Variants in TRPM2 observed in about 807,000 individuals in gnomAD.
TRPM2 encodes the protein estrogen-responsive element-associated gene 1 protein.
In TRPM2, 161 loss-of-function variants were observed where a neutral mutation model predicts 174.0. The ratio of observed to expected loss-of-function variants is 0.93; its 90% CI spans 0.81 to 1.05. TRPM2 has a LOEUF of 1.05. Among genes scored for constraint, TRPM2 ranks in the 50% least tolerant of loss-of-function variants. The pLI is 0.00. For missense variants in TRPM2, 2,057 were observed against 2,038.0 expected (o/e 1.01, Z -0.18); for synonymous variants, 954 against 861.3 (o/e 1.11, Z -1.88).
In TRPM2 at chr21:44,401,980, C is replaced by T. The variant is rs972516462; in HGVS notation, c.2538+83C>T. ...CTCATAGGGGACCCATGGCTTAGAG[C>T]CCACCCCATCTAGCCTGCCCAGCTC... On this transcript the variant is annotated intron_variant, in intron 16 of 31. Coordinates refer to ENST00000397928, the MANE Select transcript of TRPM2 (RefSeq NM_003307.4). 29 of 1,465,694 alleles carry T rather than the reference C, an allele frequency of 2.0e-5. No homozygotes were observed. In the South Asian group the frequency reaches 3.2e-4, roughly 16 times the overall value. 90.8% of individuals were successfully genotyped at this position (1,465,694 alleles called of 1,614,324 possible).
At chr21:44,435,029 G>T (rs743490) in intron 27 of TRPM2, 102 bp from the exon 28 acceptor site, 2 of 1,142,158 alleles carry the variant, frequency 1.8e-6, no homozygotes, top group Non-Finnish European at 2.6e-6. Context: ...CCCGCTGTGC[G>T]CCGGCTCCTG....
At chr21:44,378,930 TC>T in intron 7 of TRPM2, 66 bp from the exon 8 acceptor site, 2 of 1,530,990 alleles carry the variant, frequency 1.3e-6, no homozygotes, top group Non-Finnish European at 1.8e-6. Flanking sequence ...TGGAGAATTC[TC>T]CATTTCAGAA....
chr21:44,385,473 T>C (rs1422698296), intron 9 of TRPM2, among the ~76,000 whole-genome samples: 2 of 152,090 alleles, frequency 1.3e-5, no homozygotes, highest in Non-Finnish European at 2.9e-5. Context: ...TCCTCCAAGA[T>C]AGAAATAAGG....
intron 19 of TRPM2, among the ~76,000 whole-genome samples, chr21:44,408,884 C>T (rs889389859): frequency 1.3e-5 from 2 of 152,090 alleles, no homozygotes; most frequent in East Asian, 1.9e-4. Context: ...TCTCGATCTC[C>T]TGACCTCGTG....
chr21:44,406,845 G>A, intron 19 of TRPM2, 80 bp downstream of exon 19: 1 of 1,512,912 alleles, frequency 6.6e-7, no homozygotes, highest in Non-Finnish European at 8.9e-7. Flanking sequence ...GCATGAGTGG[G>A]AGTGAGGCCG....
chr21:44,418,642 T>C, intron 22 of TRPM2, 87 bp downstream of exon 22: 1 of 1,533,540 alleles, frequency 6.5e-7, no homozygotes. Context: ...ATGTCCCACC[T>C]GGGGAGGCCC....
intron 30 of TRPM2, among the ~76,000 whole-genome samples, chr21:44,440,308 A>AAGAGATTCCGTCT (rs1569125753): frequency 1.5e-4 from 1 of 6,464 alleles, no homozygotes; most frequent in Admixed American, 2.2e-3. Flanking sequence ...TGCGCTCAAA[A>AAGAGATTCCGTCT]AAAAAAAAAA....
At chr21:44,357,640 T>G (rs2048097777) in intron 2 of TRPM2, among the ~76,000 whole-genome samples, 1 of 152,162 alleles carries the variant, frequency 6.6e-6, no homozygotes. Flanking sequence ...GCTGGCCACG[T>G]GGGCCCCTCT....
intron 9 of TRPM2, among the ~76,000 whole-genome samples, chr21:44,387,972 A>G (rs967688709): frequency 5.9e-5 from 9 of 152,226 alleles, no homozygotes; most frequent in African/African-American, 1.9e-4. Context: ...GCTGCCGTGG[A>G]AAACAGGATG....
intron 11 of TRPM2, among the ~76,000 whole-genome samples, chr21:44,394,154 C>T (rs555188901): frequency 6.6e-6 from 1 of 152,106 alleles, no homozygotes; most frequent in East Asian, 1.9e-4. Context: ...CAGGCGTGAG[C>T]CACCGTGCCA....
rs546734377 is a variant in TRPM2, at chr21:44,392,865, G to A, written c.1794+1240G>A. ...ACAGTCAGGTCAGTAACATTCCACC[G>A]TATTTTTGTGAGATGCCCAGGGTGC... is the stretch of plus-strand genomic sequence containing the variant. On this transcript the variant is annotated intron_variant, in intron 11 of 31. Coordinates refer to ENST00000397928, the MANE Select transcript of TRPM2 (RefSeq NM_003307.4). Among the ~76,000 whole-genome samples the A allele has an allele frequency of 3.9e-5, 6 of 152,204 alleles. No individual in the cohort carries two copies. In the East Asian group the frequency reaches 7.7e-4, roughly 20 times the overall value.
In TRPM2 at chr21:44,433,841, G is replaced by A. The variant is rs541948202; in HGVS notation, c.3975-1290G>A. On this transcript the variant is annotated intron_variant, in intron 27 of 31. Coordinates refer to ENST00000397928, the MANE Select transcript of TRPM2 (RefSeq NM_003307.4). ...TGCGGACTCTGATCGCTGTGGGCTC[G>A]GGCAGGTCTGCGCAGAGGTGTGACG... 4.6e-5 allele frequency among the ~76,000 whole-genome samples: 7 copies of A among 152,284 alleles called. No homozygotes were observed. The South Asian group carries it at 6.2e-4, about 14-fold the overall frequency.
At position 44,365,185 on chromosome 21, in the gene TRPM2, T is replaced by A. The variant is rs11908871; in HGVS notation, c.423+903T>A. Among the ~76,000 whole-genome samples the A allele has an allele frequency of 7.2e-3, 1,096 of 152,164 alleles. 18 individuals are homozygous for A. Among genetic ancestry groups the A allele is most frequent in the African/African-American group, 0.025 (1,037 of 41,498 alleles). On this transcript the variant is annotated intron_variant, in intron 3 of 31. Transcript: ENST00000397928. ...CTGGAGGGTTCTGAGACTTGCATGT[T>A]GACCAGCCTTCTGGAGGGTTCTGAG...
rs1602110416 is a variant in TRPM2 at position 44,354,931 on chromosome 21, T to C, written c.254+195T>C. ...GCCTCCTGTCGGGGACAGTTGACCC[T>C]CATCCTGCCTCGCAGGTGCAGGGAC... On this transcript the variant is annotated intron_variant, in intron 2 of 31. Transcript: ENST00000397928. This position sits in a 1 kb window ranked among gnomAD's most constrained non-coding sequence, Gnocchi z 4.3. 6.6e-6 allele frequency among the ~76,000 whole-genome samples: 1 copy of C among 152,244 alleles called. No homozygotes were observed. The highest frequency in any genetic ancestry group is 2.1e-4 in the South Asian group (1 of 4,828).
chr21:44,442,014 C>T lies in TRPM2; in HGVS notation c.*197C>T, dbSNP rs570485563. On this transcript the variant is annotated 3_prime_UTR_variant, in exon 32 of 32. Coordinates refer to ENST00000397928, the MANE Select transcript of TRPM2 (RefSeq NM_003307.4). ...TGAACTGGAAGGGGTCAAGGTGACC[C>T]GGGAGGAGAGCTCAAGACAGGGCAC... is the stretch of plus-strand genomic sequence containing the variant. The T allele has an allele frequency of 9.9e-6, 8 of 804,552 alleles. No individual in the cohort carries two copies. Among genetic ancestry groups the T allele is most frequent in the South Asian group, 6.9e-5 (2 of 28,940 alleles). The allele number at this position is 804,552 out of a possible 1,614,324, so 49.8% of individuals were successfully genotyped here.
intron 5 of TRPM2, among the ~76,000 whole-genome samples, chr21:44,374,976 G>T (rs2048651798): frequency 6.6e-6 from 1 of 152,142 alleles, no homozygotes; most frequent in Non-Finnish European, 1.5e-5. Context: ...GCTGGAGTAT[G>T]TTGGTGCGAT....
rs2050754094 is a variant in TRPM2 at position 44,425,966 on chromosome 21, CCT to C, written c.3795+140_3795+141del. 10 of 1,202,932 alleles carry C rather than the reference CCT, an allele frequency of 8.3e-6. No homozygotes were observed. In the South Asian group the frequency reaches 2.1e-4, roughly 26 times the overall value. 74.5% of individuals were successfully genotyped at this position (1,202,932 alleles called of 1,614,324 possible). A position where few individuals can be genotyped will look rare whatever the true frequency, so the allele number is the denominator to read the frequency against. On this transcript the variant is annotated intron_variant, in intron 25 of 31. Transcript: ENST00000397928. The stretch of plus-strand genomic sequence containing the variant: ...AGGGGGATCTGTGCGTCTGGCAGCC[CCT>C]GTTTGACATTTGAGGAAACCGAGGC...
rs570715980 is a variant in TRPM2, at chr21:44,373,792, G to A, written c.772-2041G>A. ...GAACACTTTGCTTGGAGATCTCTGC[G>A]GCTAAATCTTCAAGTTCATCATTTA... On this transcript the variant is annotated intron_variant, in intron 5 of 31. Coordinates refer to ENST00000397928, the MANE Select transcript of TRPM2 (RefSeq NM_003307.4). Among the ~76,000 whole-genome samples the A allele has an allele frequency of 2.2e-4, 34 of 152,168 alleles. 1 individual carries two copies. In the South Asian group the frequency reaches 4.4e-3, roughly 20 times the overall value.
rs151006646 is a variant in TRPM2, at chr21:44,364,281, A to G, written c.422A>G (p.Lys141Arg). The G allele has an allele frequency of 3.1e-6, 5 of 1,613,860 alleles. No homozygotes were observed. The African/African-American group carries it at 4.0e-5, about 13-fold the overall frequency. The change falls in exon 3 of 32, where the codon AAG becomes AGG. Residue 141 changes from lysine to arginine, a missense_variant and splice_region_variant. Physicochemically the swap from Lys to Arg is conservative, Grantham distance 26 (BLOSUM62 2). Coordinates refer to ENST00000397928, the MANE Select transcript of TRPM2 (RefSeq NM_003307.4). ...ACGGGCCTGAGCCAGAAGGTGAAAA[A>G]GGTTGGTTTCCATCACTCTCGCTCT... is the stretch of plus-strand genomic sequence containing the variant. The part of the protein sequence containing the change: ...VFTGLSQKVK[K>R]YVRVSQDTPS...
Sources: allele counts gnomAD v4.1 joint callset (sites outside exome capture counted in the v4.1 genomes callset), GRCh38; gene constraint gnomAD v4.1.1; non-coding constraint Gnocchi (gnomAD v3.1); transcripts MANE v1.5; gene names NCBI Gene and HGNC (gene_info 2026-07-23, HGNC 2026-07-21).